The following DCC variants were observed in gnomAD, a reference collection of about 807,000 sequenced individuals.
The protein encoded by DCC is DCC netrin 1 receptor.
Under a neutral mutation model 172.5 loss-of-function variants are expected in DCC, and 58 were observed. The ratio of observed to expected loss-of-function variants is 0.34; its 90% CI spans 0.27 to 0.42. DCC has a LOEUF of 0.42. Among genes scored for constraint, DCC ranks in the 10% least tolerant of loss-of-function variants. The pLI is 1.00. For missense variants in DCC, 1,740 were observed against 1,791.0 expected, an observed-to-expected ratio of 0.97 and a Z score of 0.51; for synonymous variants, 709 against 644.5, an observed-to-expected ratio of 1.10 and a Z score of -1.52.
rs1234914578 is a variant in DCC, at chr18:53,505,679, A to AAAAT, written c.4111+6172_4111+6175dup. Among the ~76,000 whole-genome samples, 3 of 152,324 alleles carry AAAAT rather than the reference A, an allele frequency of 2.0e-5. No individual in the cohort carries two copies. In the East Asian group the frequency reaches 5.8e-4, roughly 29 times the overall value. ...TCCAGATAATCGTAAGAGAAAGTGA[A>AAAAT]AAATAATAAATAATCTATTTTCAGA... On this transcript the variant is annotated intron_variant, in intron 27 of 28. Coordinates refer to ENST00000442544, the MANE Select transcript of DCC (RefSeq NM_005215.4).
rs1313350079 is a variant in DCC at position 53,486,649 on chromosome 18, TTGG to T, written c.3737-144_3737-142del. On this transcript the variant is annotated intron_variant, in intron 25 of 28. Coordinates refer to ENST00000442544, the MANE Select transcript of DCC (RefSeq NM_005215.4). ...GTCTTTTCTAAAGTAAAAAGTGGGATTGGTGGAGAGAGGTAAGTAAGGGAACCT... is the reference window on the plus strand; with the variant it reads ...GTCTTTTCTAAAGTAAAAAGTGGGATTGGAGAGAGGTAAGTAAGGGAACCT... 1.5e-5 allele frequency: 14 copies of T among 953,990 alleles called. No homozygotes were observed. In the African/African-American group the frequency reaches 2.1e-4, roughly 14 times the overall value. 59.1% of individuals were successfully genotyped at this position (953,990 alleles called of 1,614,324 possible).
At position 53,316,259 on chromosome 18, in the gene DCC, A is replaced by G. The variant is rs893256179; in HGVS notation, c.2054-5788A>G. Among the ~76,000 whole-genome samples the G allele has an allele frequency of 3.3e-5, 5 of 151,984 alleles. No individual in the cohort carries two copies. The East Asian group carries it at 7.7e-4, about 24-fold the overall frequency. Reference sequence around the variant, plus strand: ...TCTCTAGTTTGTCAAAGATCAGATGATTGTAGATGTGTGGTGTTATTTTTG... The same window carrying G: ...TCTCTAGTTTGTCAAAGATCAGATGGTTGTAGATGTGTGGTGTTATTTTTG... On this transcript the variant is annotated intron_variant, in intron 13 of 28. Coordinates refer to ENST00000442544, the MANE Select transcript of DCC (RefSeq NM_005215.4).
intron 12 of DCC, among the ~76,000 whole-genome samples, chr18:53,300,905 G>A (rs1306557138): frequency 7.4e-6 from 1 of 134,634 alleles, no homozygotes; most frequent in Non-Finnish European, 1.7e-5. Context: ...CTCCATGACT[G>A]AAGCAGGGAC....
chr18:52,563,485 T>A (rs890452838), intron 1 of DCC, among the ~76,000 whole-genome samples: 1 of 152,122 alleles, frequency 6.6e-6, no homozygotes, highest in African/African-American at 2.4e-5. Context: ...TTACATCTTG[T>A]ATGAAACATT....
chr18:53,477,611 C>T (rs768794932), intron 25 of DCC, among the ~76,000 whole-genome samples: 1 of 152,102 alleles, frequency 6.6e-6, no homozygotes, highest in South Asian at 2.1e-4. Flanking sequence ...TCTTCCTTGA[C>T]ATTTCTTATT....
At chr18:52,702,930 T>C (rs972480631) in intron 1 of DCC, among the ~76,000 whole-genome samples, 3 of 152,164 alleles carry the variant, frequency 2.0e-5, no homozygotes, top group African/African-American at 7.2e-5. Context: ...ACAACTCTTA[T>C]AAGATTTCGT....
intron 7 of DCC, among the ~76,000 whole-genome samples, chr18:53,106,879 A>G (rs2043256490): frequency 6.6e-6 from 1 of 151,962 alleles, no homozygotes; most frequent in South Asian, 2.1e-4. Flanking sequence ...AGAATGCCTG[A>G]TAAAAGATTG....
chr18:53,122,834 C>T (rs1037887521), intron 7 of DCC, among the ~76,000 whole-genome samples: 13 of 152,078 alleles, frequency 8.5e-5, no homozygotes, highest in Non-Finnish European at 1.6e-4. Flanking sequence ...GTTTTGCAAG[C>T]ATCAGCTCTT....
At chr18:52,520,268 G>T (rs935333109) in intron 1 of DCC, among the ~76,000 whole-genome samples, 5 of 152,154 alleles carry the variant, frequency 3.3e-5, no homozygotes, top group Non-Finnish European at 7.3e-5. Flanking sequence ...TCCTATGAAT[G>T]GTCAAGACAT....
intron 25 of DCC, among the ~76,000 whole-genome samples, chr18:53,479,540 A>G (rs2145205292): frequency 6.6e-6 from 1 of 152,360 alleles, no homozygotes; most frequent in Non-Finnish European, 1.5e-5. Flanking sequence ...TCAGCAAGTC[A>G]GTAGAGTTAT....
chr18:53,088,511 A>G (rs991513186), intron 7 of DCC, among the ~76,000 whole-genome samples: 2 of 152,122 alleles, frequency 1.3e-5, no homozygotes, highest in African/African-American at 4.8e-5. Flanking sequence ...GGGCTGAGAC[A>G]ATGGGGTTTT....
At chr18:53,477,355 G>A (rs1224901247) in intron 25 of DCC, among the ~76,000 whole-genome samples, 4 of 152,118 alleles carry the variant, frequency 2.6e-5, no homozygotes, top group Non-Finnish European at 5.9e-5. Flanking sequence ...TTGCATCTGA[G>A]ATGATTGATA....
chr18:53,295,067 C>T (rs2057050103), intron 12 of DCC, among the ~76,000 whole-genome samples: 1 of 151,824 alleles, frequency 6.6e-6, no homozygotes, highest in Admixed American at 6.6e-5. Flanking sequence ...CAAATATTAC[C>T]CAACGTGTAC....
At chr18:53,136,131 T>A (rs1014922520) in intron 7 of DCC, among the ~76,000 whole-genome samples, 1 of 151,442 alleles carries the variant, frequency 6.6e-6, no homozygotes, top group Non-Finnish European at 1.5e-5. Context: ...AAAAAAAAAA[T>A]TGGATGTGTG....
chr18:52,812,431 CT>C (rs1325327856), intron 2 of DCC, among the ~76,000 whole-genome samples: 6 of 152,144 alleles, frequency 3.9e-5, no homozygotes, highest in African/African-American at 1.4e-4. Context: ...CAACAATTCA[CT>C]TTATTAATGT....
intron 2 of DCC, among the ~76,000 whole-genome samples, chr18:52,880,383 A>G (rs990884047): frequency 4.6e-5 from 7 of 152,244 alleles, no homozygotes; most frequent in Admixed American, 2.0e-4. Flanking sequence ...CCTGGCCTCA[A>G]ATGAGTTTGC....
chr18:53,410,359 TA>T, intron 19 of DCC, 92 bp from the exon 20 acceptor site: 1 of 793,888 alleles, frequency 1.3e-6, no homozygotes, highest in Non-Finnish European at 2.3e-6. Context: ...ATATAATAAT[TA>T]TTGTAAATTA....
At chr18:52,518,332 T>C (rs1413210207) in intron 1 of DCC, among the ~76,000 whole-genome samples, 1 of 152,082 alleles carries the variant, frequency 6.6e-6, no homozygotes, top group East Asian at 1.9e-4. Flanking sequence ...CAAGGAAAGG[T>C]GGAACCCAGA....
chr18:53,259,886 A>G (rs2056572793), intron 12 of DCC, among the ~76,000 whole-genome samples: 2 of 137,604 alleles, frequency 1.5e-5, no homozygotes, highest in South Asian at 5.2e-4. Flanking sequence ...ATAGTCCCAT[A>G]TTTCTTGGAG....
Sources: allele counts gnomAD v4.1 joint callset (sites outside exome capture counted in the v4.1 genomes callset), GRCh38; gene constraint gnomAD v4.1.1; transcripts MANE v1.5; gene names NCBI Gene and HGNC (gene_info 2026-07-23, HGNC 2026-07-21).